The following CACNA2D4 variants were observed in gnomAD, a reference collection of about 807,000 sequenced individuals.
CACNA2D4 encodes voltage-dependent calcium channel subunit alpha-2/delta-4.
CACNA2D4 carries 157 observed loss-of-function variants against 163.8 expected under a neutral mutation model. The ratio of observed to expected loss-of-function variants is 0.96; its 90% CI spans 0.84 to 1.09. CACNA2D4 has a LOEUF of 1.09. CACNA2D4 is among the 50% of genes least tolerant of loss of function. The probability of loss-of-function intolerance (pLI) is 0.00; values close to 1 mark genes in which losing one functional copy is unlikely to be tolerated. For missense variants in CACNA2D4, 1,410 were observed against 1,479.9 expected, an observed-to-expected ratio of 0.95 and a Z score of 0.78; for synonymous variants, 598 against 586.9, an observed-to-expected ratio of 1.02 and a Z score of -0.27.
chr12:1,811,680 G>A lies in CACNA2D4; in HGVS notation c.2595C>T (p.Phe865=), dbSNP rs1224949989. 2 of 1,560,294 alleles carry A rather than the reference G, an allele frequency of 1.3e-6. No individual in the cohort carries two copies. Among genetic ancestry groups the A allele is most frequent in the Non-Finnish European group, 1.7e-6 (2 of 1,151,694 alleles). Reference sequence around the variant, plus strand: ...CACCTACCTGCCGCGTTGCCGCCCAGAATTTGCGCTGGAGGAATTCCAGCT... The same window carrying A: ...CACCTACCTGCCGCGTTGCCGCCCAAAATTTGCGCTGGAGGAATTCCAGCT... ...QMKLEFLQRK[F]WAATRQCSTV... is the part of the protein sequence containing the mutation. The change falls in exon 27 of 38, where the codon TTC becomes TTT. Residue 865 remains phenylalanine (F), a synonymous_variant. Coordinates refer to ENST00000382722, the MANE Select transcript of CACNA2D4 (RefSeq NM_172364.5).
chr12:1,817,753 C>T (rs60166765), intron 26 of CACNA2D4, among the ~76,000 whole-genome samples: 18,212 of 151,812 alleles, frequency 0.12, 1,214 homozygotes, highest in Admixed American at 0.2. Flanking sequence ...CCCGAGGTGC[C>T]GGGATTGCAG....
chr12:1,802,789 G>A lies in CACNA2D4; in HGVS notation c.2722-1145C>T, dbSNP rs575613635. 3.9e-5 allele frequency among the ~76,000 whole-genome samples: 6 copies of A among 152,196 alleles called. No homozygotes were observed. The highest frequency in any genetic ancestry group is 2.1e-4 in the South Asian group (1 of 4,828). Reference sequence around the variant, plus strand: ...CCAAGGAACTTCTTTCCTCACCCTCGCTGGGAAGTCTTTCTATTCTAACTT... The same window carrying A: ...CCAAGGAACTTCTTTCCTCACCCTCACTGGGAAGTCTTTCTATTCTAACTT... On this transcript the variant is annotated intron_variant, in intron 29 of 37. Transcript: ENST00000382722. The surrounding 1 kb of genome is among the most constrained non-coding windows in gnomAD (Gnocchi z 4.7).
intron 3 of CACNA2D4, 50 bp from the exon 4 acceptor site, chr12:1,910,015 T>G (rs761539071): frequency 1.3e-6 from 2 of 1,520,880 alleles, no homozygotes; most frequent in Middle Eastern, 1.7e-4. Context: ...AGGAGCCCAG[T>G]GGGTTTTCAG....
chr12:1,886,492 G>A, intron 7 of CACNA2D4, 119 bp from the exon 8 acceptor site: 2 of 882,898 alleles, frequency 2.3e-6, no homozygotes, highest in South Asian at 3.4e-5. Flanking sequence ...AAAGTTCAGG[G>A]CAACCCATCT....
rs763309046 is a variant in CACNA2D4, at chr12:1,846,646, C to T, written c.2290G>A (p.Ala764Thr). ...AACAAGCTGCTTCTCAGGAGGCCAG[C>T]CCGGGTGCCCAGGAAGGCCATGTCC... ...VVDMAFLGTR[A>T]GLLRSSLFVG... is the part of the protein sequence containing the mutation. Residue 764 changes from alanine to threonine, a missense_variant, in exon 24 of 38, where the codon GCT (alanine) becomes ACT (threonine). Coordinates refer to ENST00000382722, the MANE Select transcript of CACNA2D4 (RefSeq NM_172364.5). 6.2e-7 allele frequency: 1 copy of T among 1,604,528 alleles called. No individual in the cohort carries two copies. Among genetic ancestry groups the T allele is most frequent in the Non-Finnish European group, 8.5e-7 (1 of 1,177,532 alleles).
rs1028071662 is a variant in CACNA2D4, at chr12:1,883,702, C to T, written c.1351+541G>A. On this transcript the variant is annotated intron_variant, in intron 12 of 37. Transcript: ENST00000382722. The surrounding 1 kb of genome is among the most constrained non-coding windows in gnomAD (Gnocchi z 4.5). ...ACTTGGAGAGTGCCTCCCCCATGGC[C>T]CCCGGCACCCTGAACAGTCTGTGTC... 2.6e-5 allele frequency among the ~76,000 whole-genome samples: 4 copies of T among 152,108 alleles called. No individual in the cohort carries two copies. Among genetic ancestry groups the T allele is most frequent in the Non-Finnish European group, 4.4e-5 (3 of 68,022 alleles).
chr12:1,918,437 T>G lies in CACNA2D4; in HGVS notation c.37A>C (p.Asn13His). 6.3e-7 allele frequency: 1 copy of G among 1,585,390 alleles called. No individual in the cohort carries two copies. Among genetic ancestry groups the G allele is most frequent in the Non-Finnish European group, 8.6e-7 (1 of 1,166,412 alleles). Reference protein sequence around the residue: ...CGCSALLPLPNPRPTMPATPN... With the variant: ...CGCSALLPLPHPRPTMPATPN... ...GTTGCAGGCATGGTGGGCCTGGGGT[T>G]GGGGAGGGGAAGGAGGGCAGAGCAG... Residue 13 changes from asparagine (N) to histidine (H), a missense_variant, in exon 1 of 38, where the codon AAC (asparagine) becomes CAC (histidine). Asn to His is a moderately conservative substitution (Grantham distance 68). Coordinates refer to ENST00000382722, the MANE Select transcript of CACNA2D4 (RefSeq NM_172364.5).
rs1323461449 is a variant in CACNA2D4, at chr12:1,918,235, C to T, written c.227+12G>A. Reference sequence around the variant, plus strand: ...ACCGGGTTTTTGGGGTGGGGTTGAACGTGATGCTTACGTTTCCAGAGGAAT... The same window carrying T: ...ACCGGGTTTTTGGGGTGGGGTTGAATGTGATGCTTACGTTTCCAGAGGAAT... On this transcript the variant is annotated intron_variant, in intron 1 of 37. Coordinates refer to ENST00000382722, the MANE Select transcript of CACNA2D4 (RefSeq NM_172364.5). 4 of 1,588,168 alleles carry T rather than the reference C, an allele frequency of 2.5e-6. No homozygotes were observed. Among genetic ancestry groups the T allele is most frequent in the African/African-American group, 2.7e-5 (2 of 74,138 alleles).
chr12:1,902,080 T>C (rs1337900392), intron 6 of CACNA2D4, among the ~76,000 whole-genome samples: 2 of 152,060 alleles, frequency 1.3e-5, no homozygotes, highest in Non-Finnish European at 2.9e-5. Flanking sequence ...GTCAATATAA[T>C]ACATCTTACC....
chr12:1,848,810 GT>G (rs1265135057), intron 23 of CACNA2D4, among the ~76,000 whole-genome samples: 17 of 149,760 alleles, frequency 1.1e-4, no homozygotes, highest in African/African-American at 4.3e-4. Flanking sequence ...TTCTCACTAC[GT>G]TGCCCAGGCT....
intron 37 of CACNA2D4, among the ~76,000 whole-genome samples, chr12:1,794,056 C>T (rs1218293305): frequency 6.6e-6 from 1 of 152,132 alleles, no homozygotes; most frequent in African/African-American, 2.4e-5. Context: ...GGTTTCTGGT[C>T]CCAGCAGACC....
At chr12:1,847,947 C>T (rs966963750) in intron 23 of CACNA2D4, among the ~76,000 whole-genome samples, 2 of 152,152 alleles carry the variant, frequency 1.3e-5, no homozygotes, top group African/African-American at 2.4e-5. Flanking sequence ...CCAGTCGCCT[C>T]GCGAATTTTT....
rs1169259116 is a variant in CACNA2D4 at position 1,918,227 on chromosome 12, G to C, written c.227+20C>G. ...AAAGGGTGACCGGGTTTTTGGGGTG[G>C]GGTTGAACGTGATGCTTACGTTTCC... On this transcript the variant is annotated intron_variant, in intron 1 of 37. Coordinates refer to ENST00000382722, the MANE Select transcript of CACNA2D4 (RefSeq NM_172364.5). 4 of 1,561,014 alleles carry C rather than the reference G, an allele frequency of 2.6e-6. No individual in the cohort carries two copies. The highest frequency in any genetic ancestry group is 2.3e-5 in the South Asian group (2 of 87,054).
Position 1,828,244 on chromosome 12 carries a change from G to T in CACNA2D4, c.2551+12495C>A, listed in dbSNP as rs774893554. Reference sequence around the variant, plus strand: ...AGTACACCCCTGGCCTCGGAGGGGGGTGCGGGTTGGGTGGGGGTGCCGAGG... The same window carrying T: ...AGTACACCCCTGGCCTCGGAGGGGGTTGCGGGTTGGGTGGGGGTGCCGAGG... On this transcript the variant is annotated intron_variant, in intron 26 of 37. Coordinates refer to ENST00000382722, the MANE Select transcript of CACNA2D4 (RefSeq NM_172364.5). The surrounding 1 kb of genome is among the most constrained non-coding windows in gnomAD (Gnocchi z 4.2). The T allele has an allele frequency of 6.5e-7, 1 of 1,527,216 alleles. No homozygotes were observed. Among genetic ancestry groups the T allele is most frequent in the Non-Finnish European group, 8.8e-7 (1 of 1,134,186 alleles). 94.6% of individuals were successfully genotyped at this position (1,527,216 alleles called of 1,614,324 possible).
At position 1,827,631 on chromosome 12, in the gene CACNA2D4, G is replaced by A. The variant is rs553035090; in HGVS notation, c.2551+13108C>T. On this transcript the variant is annotated intron_variant, in intron 26 of 37. Coordinates refer to ENST00000382722, the MANE Select transcript of CACNA2D4 (RefSeq NM_172364.5). ...CGGGGCTAGAGGAACCGGGACCCAG[G>A]TGAGGGGAGCCTCCAGGGACAGGTG... 5.1e-4 allele frequency: 79 copies of A among 153,430 alleles called. 1 individual carries two copies. Among genetic ancestry groups the A allele is most frequent in the African/African-American group, 1.7e-3 (71 of 41,618 alleles). 9.5% of individuals were successfully genotyped at this position (153,430 alleles called of 1,614,324 possible).
At position 1,822,449 on chromosome 12, in the gene CACNA2D4, TACCACCCTGAGCCCAGCCCCAGGGAC is replaced by T. The variant is rs1177704133; in HGVS notation, c.2552-10752_2552-10727del. ...AAGCCTCCTGTGCCCTGCCTGGGAA[TACCACCCTGAGCCCAGCCCCAGGGAC>T]ACCACCCTGAGCCCGGCCCCAGGGC... On this transcript the variant is annotated intron_variant, in intron 26 of 37. Coordinates refer to ENST00000382722, the MANE Select transcript of CACNA2D4 (RefSeq NM_172364.5). Among the ~76,000 whole-genome samples the T allele has an allele frequency of 2.0e-3, 302 of 151,994 alleles. 1 individual carries two copies. The highest frequency in any genetic ancestry group is 6.5e-3 in the African/African-American group (271 of 41,450).
rs1865720430 is a variant in CACNA2D4 at position 1,869,299 on chromosome 12, G to A, written c.1878+5305C>T. On this transcript the variant is annotated intron_variant, in intron 18 of 37. Transcript: ENST00000382722. This position sits in a 1 kb window ranked among gnomAD's most constrained non-coding sequence, Gnocchi z 4.7. ...GTAGCCGTTTTGCACACTGAAGTCCGCACAGAATACCAGGCTCTGCCACTC... is the reference window on the plus strand; with the variant it reads ...GTAGCCGTTTTGCACACTGAAGTCCACACAGAATACCAGGCTCTGCCACTC... Among the ~76,000 whole-genome samples the A allele has an allele frequency of 6.6e-6, 1 of 152,170 alleles. No individual in the cohort carries two copies. The highest frequency in any genetic ancestry group is 2.1e-4 in the South Asian group (1 of 4,824).
Position 1,887,774 on chromosome 12 carries a change from G to A in CACNA2D4, c.782-705C>T, listed in dbSNP as rs78279571. On this transcript the variant is annotated intron_variant, in intron 6 of 37. Coordinates refer to ENST00000382722, the MANE Select transcript of CACNA2D4 (RefSeq NM_172364.5). Reference sequence around the variant, plus strand: ...CTCGATTTGAAAAGACTTTATGATTGGGAATAGTGGGTTTAAAAGAAGAAG... The same window carrying A: ...CTCGATTTGAAAAGACTTTATGATTAGGAATAGTGGGTTTAAAAGAAGAAG... Among the ~76,000 whole-genome samples, 476 of 152,248 alleles carry A rather than the reference G, an allele frequency of 3.1e-3. 9 individuals carry two copies. The highest frequency in any genetic ancestry group is 0.017 in the East Asian group (86 of 5,182).
intron 18 of CACNA2D4, among the ~76,000 whole-genome samples, chr12:1,865,597 A>T (rs949120033): frequency 6.6e-5 from 10 of 152,240 alleles, no homozygotes; most frequent in African/African-American, 2.2e-4. Context: ...GCCATTACGC[A>T]GGCTGTCCCG....
Sources: gnomAD v4.1 joint callset for allele counts (sites outside exome capture counted in the v4.1 genomes callset) on GRCh38, gnomAD v4.1.1 for gene constraint, Gnocchi (gnomAD v3.1) non-coding constraint, MANE v1.5 for transcripts, NCBI Gene and HGNC (gene_info 2026-07-23, HGNC 2026-07-21) for gene names.